The following ADAMTS9 variants were observed in gnomAD, a reference collection of about 807,000 sequenced individuals.
ADAMTS9 encodes A disintegrin and metalloproteinase with thrombospondin motifs 9.
A neutral mutation model predicts 257.1 loss-of-function variants in ADAMTS9; 107 were observed. That is an observed-to-expected ratio of 0.42 (90% confidence interval 0.36 to 0.49). The LOEUF (loss-of-function observed/expected upper bound fraction) is 0.49. Ranked by LOEUF, ADAMTS9 falls within the 20% of genes least tolerant of loss-of-function variation. The pLI is 0.03. For synonymous variants in ADAMTS9, 982 were observed against 880.9 expected, an observed-to-expected ratio of 1.11 and a Z score of -2.03; for missense variants, 2,353 against 2,469.1, an observed-to-expected ratio of 0.95 and a Z score of 1.00.
intron 30 of ADAMTS9, among the ~76,000 whole-genome samples, chr3:64,552,708 C>A (rs1204244313): frequency 6.6e-5 from 10 of 151,998 alleles, no homozygotes. Flanking sequence ...CAGGCATGAG[C>A]CACCACGCTC....
At chr3:64,667,073 C>G (rs763757751) in intron 3 of ADAMTS9, among the ~76,000 whole-genome samples, 3 of 152,180 alleles carry the variant, frequency 2.0e-5, no homozygotes, top group Non-Finnish European at 2.9e-5. Flanking sequence ...TCAAGTAGTG[C>G]TACATGCACA....
chr3:64,589,932 G>C (rs975896930), intron 28 of ADAMTS9: 1 of 152,146 alleles, frequency 6.6e-6, no homozygotes, highest in African/African-American at 2.4e-5. Context: ...TGAACACACA[G>C]AATAAAGTGT....
Position 64,613,361 on chromosome 3 carries a change from G to T in ADAMTS9, c.3338C>A (p.Ala1113Glu). ...CQQPECASWQ[A>E]GPWGQCSVTC... ...TCAAAATACCTGTCCCCAGGGACCC[G>T]CCTGCCAGGATGCACATTCCGGCTG... is the stretch of plus-strand genomic sequence containing the variant. Residue 1113 changes from alanine to glutamate, a missense_variant, in exon 22 of 40, where the codon GCG becomes GAG. This residue lies in a region of ADAMTS9 where 1,402 missense variants were observed against 1,441.4 expected (regional missense o/e 0.97). Coordinates refer to ENST00000498707, the MANE Select transcript of ADAMTS9 (RefSeq NM_182920.2). The T allele has an allele frequency of 6.2e-7, 1 of 1,613,604 alleles. No homozygotes were observed. Among genetic ancestry groups the T allele is most frequent in the Non-Finnish European group, 8.5e-7 (1 of 1,179,738 alleles).
intron 3 of ADAMTS9, among the ~76,000 whole-genome samples, chr3:64,661,303 A>AC (rs375637392): frequency 3.9e-5 from 6 of 152,156 alleles, no homozygotes; most frequent in South Asian, 2.1e-4. Flanking sequence ...GCATTTGTAT[A>AC]CATATATGAG....
chr3:64,647,136 C>G (rs1700815899), intron 11 of ADAMTS9, among the ~76,000 whole-genome samples: 1 of 151,738 alleles, frequency 6.6e-6, no homozygotes, highest in South Asian at 2.1e-4. Flanking sequence ...ACAAAACACT[C>G]AGAAATATCA....
At chr3:64,633,655 T>C (rs757127964) in intron 13 of ADAMTS9, 43 bp downstream of exon 13, 2 of 1,613,914 alleles carry the variant, frequency 1.2e-6, no homozygotes, top group East Asian at 2.2e-5. Context: ...CTGGCCTCAG[T>C]GCCGGCCGGC....
At chr3:64,659,970 G>A (rs1701185156) in intron 3 of ADAMTS9, among the ~76,000 whole-genome samples, 2 of 152,152 alleles carry the variant, frequency 1.3e-5, no homozygotes, top group Admixed American at 6.5e-5. Context: ...GAAATTTTGA[G>A]AATCACTAGT....
chr3:64,557,524 T>C (rs984374208), intron 30 of ADAMTS9, among the ~76,000 whole-genome samples: 6 of 152,178 alleles, frequency 3.9e-5, no homozygotes, highest in Non-Finnish European at 5.9e-5. Flanking sequence ...CACCTGAAGC[T>C]GGCGGGTGAT....
At chr3:64,621,784 AT>A (rs1488852581) in intron 18 of ADAMTS9, among the ~76,000 whole-genome samples, 5 of 134,004 alleles carry the variant, frequency 3.7e-5, no homozygotes, top group African/African-American at 9.9e-5. Context: ...AAATAAAAAA[AT>A]AAAAAAATAA....
intron 29 of ADAMTS9, 32 bp from the exon 30 acceptor site, chr3:64,561,783 C>T (rs1559764769): frequency 1.1e-5 from 9 of 848,904 alleles, no homozygotes; most frequent in East Asian, 1.1e-4. Context: ...GTGGGAGCTT[C>T]GGCTCATTTA....
rs138098316 is a variant in ADAMTS9 at position 64,633,682 on chromosome 3, C to G, written c.2038+16G>C. 1 of 1,613,732 alleles carries G rather than the reference C, an allele frequency of 6.2e-7. No homozygotes were observed. The highest frequency in any genetic ancestry group is 2.2e-5 in the East Asian group (1 of 44,816). On this transcript the variant is annotated intron_variant, in intron 13 of 39. Transcript: ENST00000498707. ...CCGGCCGGCCAACGGTGAACAGATA[C>G]ACCAGACACACTTACTTCCACTGTA...
chr3:64,551,991 C>T (rs767044436), intron 30 of ADAMTS9, among the ~76,000 whole-genome samples: 1 of 152,208 alleles, frequency 6.6e-6, no homozygotes, highest in African/African-American at 2.4e-5. Context: ...GGCCCTGTGA[C>T]GGGTCCTGGG....
At chr3:64,541,794 T>C (rs1407577317) in intron 33 of ADAMTS9, 44 bp downstream of exon 33, 7 of 1,610,596 alleles carry the variant, frequency 4.3e-6, no homozygotes, top group South Asian at 1.1e-5. Context: ...AAAGACATCC[T>C]GTTCTTCATG....
intron 6 of ADAMTS9, among the ~76,000 whole-genome samples, chr3:64,655,135 CA>C (rs1192624436): frequency 6.6e-6 from 1 of 152,214 alleles, no homozygotes; most frequent in South Asian, 2.1e-4. Flanking sequence ...CTGGCTTTTG[CA>C]AAATCACAAA....
Position 64,568,527 on chromosome 3 carries a change from G to C in ADAMTS9, c.4365C>G (p.Val1455=), listed in dbSNP as rs752736289. 1.2e-6 allele frequency: 2 copies of C among 1,613,784 alleles called. No homozygotes were observed. Among genetic ancestry groups the C allele is most frequent in the East Asian group, 4.5e-5 (2 of 44,858 alleles). The change falls in exon 29 of 40, where the codon GTC becomes GTG. Residue 1455 remains valine, a synonymous_variant. Transcript: ENST00000498707. ...WSTGPWSSCS[V]SCGRGHKQRN... is the part of the protein sequence containing the mutation. ...GTTGTTTATGCCCTCGACCACAAGA[G>C]ACAGAACACTGCAATATAAAGCAAT... is the stretch of plus-strand genomic sequence containing the variant.
chr3:64,607,851 C>G (rs2084586796), intron 22 of ADAMTS9, among the ~76,000 whole-genome samples: 2 of 152,148 alleles, frequency 1.3e-5, no homozygotes, highest in African/African-American at 4.8e-5. Context: ...ATATTCCTCT[C>G]AAACGTGCAG....
At position 64,649,622 on chromosome 3, in the gene ADAMTS9, C is replaced by T. The variant is rs763319191; in HGVS notation, c.1605+15G>A. 46 of 1,594,038 alleles carry T rather than the reference C, an allele frequency of 2.9e-5. No individual in the cohort carries two copies. The highest frequency in any genetic ancestry group is 3.8e-5 in the Non-Finnish European group (45 of 1,169,660). ...AATCAGTAGATGAGGGCAGAAGTGG[C>T]CCTCCTACACTTACCATATATGGGC... On this transcript the variant is annotated intron_variant, in intron 10 of 39. Transcript: ENST00000498707.
At chr3:64,569,133 T>A (rs1362268536) in intron 28 of ADAMTS9, 1 of 152,808 alleles carries the variant, frequency 6.5e-6, no homozygotes, top group East Asian at 1.9e-4. Flanking sequence ...GCAGATTCAC[T>A]GGACTGTTTT....
chr3:64,676,106 T>G (rs112635595), intron 3 of ADAMTS9, among the ~76,000 whole-genome samples: 93 of 152,226 alleles, frequency 6.1e-4, no homozygotes, highest in African/African-American at 2.0e-3. Flanking sequence ...GAATGAGAGA[T>G]TCAACTTTAA....
Sources: gnomAD v4.1 joint callset for allele counts (sites outside exome capture counted in the v4.1 genomes callset) on GRCh38, gnomAD v4.1.1 for gene constraint, gnomAD v4.1.1 regional missense constraint, MANE v1.5 for transcripts, NCBI Gene and HGNC (gene_info 2026-07-23, HGNC 2026-07-21) for gene names.